FGA: variants seen among roughly 807,000 people sequenced by gnomAD.
FGA encodes fibrinogen alpha chain, also known as fibrinogen, A alpha polypeptide.
In FGA, 20 loss-of-function variants were observed where a neutral mutation model predicts 20.3. That is an observed-to-expected ratio of 0.99 (90% CI 0.69 to 1.43). The LOEUF is 1.43. Among genes scored for constraint, FGA ranks in the 40% most tolerant of loss-of-function variants. The probability of loss-of-function intolerance (pLI) is 0.00; values close to 1 mark genes in which losing one functional copy is unlikely to be tolerated. For missense variants in FGA, 777 were observed against 784.7 expected (o/e 0.99, Z 0.12); for synonymous variants, 306 against 281.6 (o/e 1.09, Z -0.87).
chr4:154,588,240 C>G (rs1730785499), intron 3 of FGA, among the ~76,000 whole-genome samples: 1 of 152,152 alleles, frequency 6.6e-6, no homozygotes, highest in Non-Finnish European at 1.5e-5. Flanking sequence ...TGTAAAAAGG[C>G]AAAGCAAAAC....
intron 1 of FGA, 86 bp from the exon 2 acceptor site, chr4:154,589,648 G>A (rs2110820559): frequency 7.0e-7 from 1 of 1,429,828 alleles, no homozygotes. Context: ...CAAGTCCCCA[G>A]GAAGAGATGG....
rs1488497262 is a variant in FGA at position 154,589,582 on chromosome 4, T to C, written c.55-20A>G. On this transcript the variant is annotated intron_variant, in intron 1 of 4. Coordinates refer to ENST00000403106, the MANE Select transcript of FGA (RefSeq NM_021871.4). ...TGCAGTCTTTAAAGATTCATTCACA[T>C]ACACAAAAGAGAGCAACAGCAATGT... 10 of 1,610,924 alleles carry C rather than the reference T, an allele frequency of 6.2e-6. No individual in the cohort carries two copies. The highest frequency in any genetic ancestry group is 7.6e-6 in the Non-Finnish European group (9 of 1,179,850).
Position 154,585,716 on chromosome 4 carries a change from A to C in FGA, c.1713T>G (p.Pro571=). The C allele has an allele frequency of 3.1e-6, 5 of 1,614,212 alleles. No homozygotes were observed. The highest frequency in any genetic ancestry group is 1.3e-5 in the African/African-American group (1 of 75,066). The change falls in exon 5 of 5, where the codon CCT becomes CCG. Residue 571 remains proline, a synonymous_variant. Coordinates refer to ENST00000403106, the MANE Select transcript of FGA (RefSeq NM_021871.4). The part of the protein sequence containing the change: ...SSHHPGIAEF[P]SRGKSSSYSK... ...TGTAACTTGAAGATTTACCACGGGA[A>C]GGGAATTCAGCTATCCCAGGGTGAT...
Position 154,587,547 on chromosome 4 carries a change from C to A in FGA, c.475G>T (p.Val159Phe). The change falls in exon 4 of 5, where the codon GTT becomes TTT. Residue 159 changes from valine to phenylalanine, a missense_variant. Val to Phe is a conservative substitution (Grantham distance 50, BLOSUM62 -1). Transcript: ENST00000403106. ...VQHIQLLQKN[V>F]RAQLVDMKRL... ...TTCATATCAACCAACTGAGCTCTAA[C>A]ATTTTTCTGCAGAAGCTGGATATGC... The A allele has an allele frequency of 6.2e-7, 1 of 1,613,916 alleles. No individual in the cohort carries two copies. The highest frequency in any genetic ancestry group is 8.5e-7 in the Non-Finnish European group (1 of 1,179,930).
chr4:154,587,748 A>AAAGAAAGAAAG (rs1553964339), intron 3 of FGA, 91 bp from the exon 4 acceptor site: 1 of 220,122 alleles, frequency 4.5e-6, no homozygotes, highest in African/African-American at 3.6e-5. Context: ...AAGGAAGGAG[A>AAAGAAAGAAAG]AAGAAAGAAA....
chr4:154,590,097 T>G (rs1730832545), intron 1 of FGA, among the ~76,000 whole-genome samples: 1 of 152,230 alleles, frequency 6.6e-6, no homozygotes, highest in Non-Finnish European at 1.5e-5. Flanking sequence ...CGTATTGCCT[T>G]ACTAACTAAT....
Position 154,586,622 on chromosome 4 carries a change from A to G in FGA, c.807T>C (p.Ile269=). ...CATAAGAGGTGGAGCCTCCTCGAGTAATCTCATTTCCACCAGGTCTCTCTA... is the reference window on the plus strand; with the variant it reads ...CATAAGAGGTGGAGCCTCCTCGAGTGATCTCATTTCCACCAGGTCTCTCTA... ...MELERPGGNE[I]TRGGSTSYGT... The change falls in exon 5 of 5, where the codon ATT becomes ATC. Residue 269 remains isoleucine, a synonymous_variant. Coordinates refer to ENST00000403106, the MANE Select transcript of FGA (RefSeq NM_021871.4). 7.4e-6 allele frequency: 12 copies of G among 1,613,962 alleles called. No individual in the cohort carries two copies. Among genetic ancestry groups the G allele is most frequent in the Middle Eastern group, 3.3e-4 (2 of 6,058 alleles).
downstream of FGA, chr4:154,583,958 C>T: frequency 1.6e-6 from 1 of 635,886 alleles, no homozygotes. Context: ...CTTTATTTTT[C>T]AAAGACTAAT....
Position 154,588,884 on chromosome 4 carries a change from T to C in FGA, c.273A>G (p.Ser91=). Residue 91 remains serine (S), a synonymous_variant, in exon 3 of 5, where the codon TCA becomes TCG. Coordinates refer to ENST00000403106, the MANE Select transcript of FGA (RefSeq NM_021871.4). ...FTNRINKLKN[S]LFEYQKNNKD... ...TATTGTTCTTCTGATATTCAAATAG[T>C]GAATTTTTGAGCTTATTTATTCTGT... 1 of 1,610,890 alleles carries C rather than the reference T, an allele frequency of 6.2e-7. No homozygotes were observed. Among genetic ancestry groups the C allele is most frequent in the Non-Finnish European group, 8.5e-7 (1 of 1,177,316 alleles).
Position 154,586,053 on chromosome 4 carries a change from C to T in FGA, c.1376G>A (p.Arg459His), listed in dbSNP as rs758861856. Reference sequence around the variant, plus strand: ...CTTAGTAACGGTTTTAGAGCATGAACGACGCGTGGTGGTTGTGCTACCAGA... The same window carrying T: ...CTTAGTAACGGTTTTAGAGCATGAATGACGCGTGGTGGTTGTGCTACCAGA... ...VTSGSTTTTR[R>H]SCSKTVTKTV... Residue 459 changes from arginine (R) to histidine (H), a missense_variant, in exon 5 of 5, where the codon CGT becomes CAT. Transcript: ENST00000403106. 1.1e-5 allele frequency: 17 copies of T among 1,614,094 alleles called. No homozygotes were observed. Among genetic ancestry groups the T allele is most frequent in the Non-Finnish European group, 1.4e-5 (16 of 1,179,998 alleles).
downstream of FGA, chr4:154,584,415 G>C (rs780618617): frequency 4.3e-6 from 7 of 1,613,980 alleles, no homozygotes; most frequent in African/African-American, 9.3e-5. Flanking sequence ...CTTCCTCTAC[G>C]GAACCCTCAA....
intron 1 of FGA, among the ~76,000 whole-genome samples, chr4:154,590,121 G>GCAAAGATATTTC (rs1730833302): frequency 6.6e-6 from 1 of 152,178 alleles, no homozygotes; most frequent in Non-Finnish European, 1.5e-5. Context: ...TTCTGATACT[G>GCAAAGATATTTC]CAAAGATATT....
At position 154,585,879 on chromosome 4, in the gene FGA, G is replaced by A. The variant is rs374854028; in HGVS notation, c.1550C>T (p.Ala517Val). Reference sequence around the variant, plus strand: ...AGTTGAGGCAGTGTCGAAGAAGGCAGCTTCATCAGGGTGCCTATGGCGGAA... The same window carrying A: ...AGTTGAGGCAGTGTCGAAGAAGGCAACTTCATCAGGGTGCCTATGGCGGAA... ...DGFRHRHPDE[A>V]AFFDTASTGK... The change falls in exon 5 of 5, where the codon GCT becomes GTT. Residue 517 changes from alanine to valine, a missense_variant. Coordinates refer to ENST00000403106, the MANE Select transcript of FGA (RefSeq NM_021871.4). 6.2e-7 allele frequency: 1 copy of A among 1,614,076 alleles called. No homozygotes were observed. Among genetic ancestry groups the A allele is most frequent in the Admixed American group, 1.7e-5 (1 of 60,022 alleles).
chr4:154,584,089 A>AGAAGACAGAGTGCTCTCATTCCCACTTC, downstream of FGA: 2 of 1,369,316 alleles, frequency 1.5e-6, no homozygotes, highest in South Asian at 1.2e-5. Flanking sequence ...TCTCTAGCAA[A>AGAAGACAGAGTGCTCTCATTCCCACTTC]GAAGACAGAG....
In FGA at chr4:154,586,494, C is replaced by T. The variant is rs770335622; in HGVS notation, c.935G>A (p.Ser312Asn). 1.2e-6 allele frequency: 2 copies of T among 1,613,918 alleles called. No homozygotes were observed. The highest frequency in any genetic ancestry group is 1.1e-5 in the South Asian group (1 of 90,944). The change falls in exon 5 of 5, where the codon AGC becomes AAC. Residue 312 changes from serine (S) to asparagine (N), a missense_variant. By Grantham distance (46) the Ser-to-Asn change is conservative (BLOSUM62 1). Coordinates refer to ENST00000403106, the MANE Select transcript of FGA (RefSeq NM_021871.4). Reference protein sequence around the residue: ...PGSTGNRNPGSSGTGGTATWK... With the variant: ...PGSTGNRNPGNSGTGGTATWK... The stretch of plus-strand genomic sequence containing the variant: ...GGTTGCAGTCCCTCCAGTCCCAGAG[C>T]TCCCAGGGTTTCGGTTTCCAGTACT...
chr4:154,585,578 A>G lies in FGA; in HGVS notation c.1851T>C (p.His617=), dbSNP rs377303847. Residue 617 remains histidine (H), a synonymous_variant, in exon 5 of 5, where the codon CAT becomes CAC. Coordinates refer to ENST00000403106, the MANE Select transcript of FGA (RefSeq NM_021871.4). The part of the protein sequence containing the change: ...AGSEADHEGT[H]STKRGHAKSR... ...ATTTAGCATGGCCTCTCTTGGTGCT[A>G]TGTGTTCCTTCATGATCGGCTTCAC... is the stretch of plus-strand genomic sequence containing the variant. 90 of 1,614,042 alleles carry G rather than the reference A, an allele frequency of 5.6e-5. No homozygotes were observed. The highest frequency in any genetic ancestry group is 7.5e-5 in the Non-Finnish European group (88 of 1,180,028).
At chr4:154,587,766 A>AGAAAGAAG in intron 3 of FGA, 109 bp from the exon 4 acceptor site, 1 of 666,870 alleles carries the variant, frequency 1.5e-6, no homozygotes, top group African/African-American at 1.9e-5. Flanking sequence ...AAAGAAAGAA[A>AGAAAGAAG]GAAAGAAAGA....
Position 154,590,697 on chromosome 4 carries a change from G to T in FGA, c.-10C>A, listed in dbSNP as rs775474476. 3.9e-6 allele frequency: 6 copies of T among 1,552,886 alleles called. No individual in the cohort carries two copies. The South Asian group carries it at 7.1e-5, about 18-fold the overall frequency. ...TCCTCATGGAAAACATCTTTTCTAA[G>T]GGTGGGGCTGGCTCCTGAGGAGCAC... On this transcript the variant is annotated 5_prime_UTR_variant, in exon 1 of 5. Transcript: ENST00000403106.
At chr4:154,587,916 C>A (rs1730778746) in intron 3 of FGA, among the ~76,000 whole-genome samples, 2 of 152,122 alleles carry the variant, frequency 1.3e-5, no homozygotes, top group African/African-American at 4.8e-5. Context: ...TAATGTTATG[C>A]CCTGCAGCCT....
Sources: allele counts gnomAD v4.1 joint callset (sites outside exome capture counted in the v4.1 genomes callset), GRCh38; gene constraint gnomAD v4.1.1; transcripts MANE v1.5; gene names NCBI Gene and HGNC (gene_info 2026-07-23, HGNC 2026-07-21).